The following SLC71A2 variants were observed in gnomAD, a reference collection of about 807,000 sequenced individuals.
SLC71A2 encodes the protein solute carrier family 71 member 2.
At chr9:94,438,649 C>G in the SLC71A2 span, 3 of 967,742 alleles carry the variant, frequency 3.1e-6, no homozygotes, top group Non-Finnish European at 4.6e-6. Flanking sequence ...TTCATTTGAT[C>G]TCTCTGGTAA....
At chr9:94,401,255 C>A in the SLC71A2 span, among the ~76,000 whole-genome samples, 1 of 152,090 alleles carries the variant, frequency 6.6e-6, no homozygotes, top group Non-Finnish European at 1.5e-5. Context: ...ACTGCAACCT[C>A]CGCCTTCCGA....
chr9:94,383,775 A>G, the SLC71A2 span, among the ~76,000 whole-genome samples: 4 of 151,834 alleles, frequency 2.6e-5, no homozygotes, highest in Non-Finnish European at 4.4e-5. Context: ...GCATGAATGT[A>G]GTATCTCTCC....
the SLC71A2 span, among the ~76,000 whole-genome samples, chr9:94,448,253 G>T: frequency 6.6e-6 from 1 of 152,090 alleles, no homozygotes. Context: ...GGACTCAAAA[G>T]CATTAATCAA....
the SLC71A2 span, among the ~76,000 whole-genome samples, chr9:94,434,133 T>C: frequency 1.3e-5 from 2 of 152,204 alleles, no homozygotes; most frequent in African/African-American, 4.8e-5. Context: ...ACAATTAGGG[T>C]AAAATTTTAA....
chr9:94,435,624 A>G, the SLC71A2 span, among the ~76,000 whole-genome samples: 2 of 149,408 alleles, frequency 1.3e-5, no homozygotes, highest in African/African-American at 4.9e-5. Context: ...TTTCCACCAG[A>G]ATTATTCCGA....
the SLC71A2 span, among the ~76,000 whole-genome samples, chr9:94,446,395 T>C: frequency 6.6e-6 from 1 of 152,220 alleles, no homozygotes; most frequent in African/African-American, 2.4e-5. Flanking sequence ...CATGAACACT[T>C]TGAAGAATAG....
chr9:94,415,996 A>G, the SLC71A2 span, among the ~76,000 whole-genome samples: 3 of 152,140 alleles, frequency 2.0e-5, no homozygotes, highest in East Asian at 5.8e-4. Flanking sequence ...GGAGTGTCTA[A>G]ATTTCAGTTT....
the SLC71A2 span, among the ~76,000 whole-genome samples, chr9:94,413,992 A>G: frequency 3.3e-5 from 5 of 152,188 alleles, no homozygotes; most frequent in African/African-American, 1.2e-4. Flanking sequence ...ATCTTTGGCA[A>G]TCTAGGTTCA....
chr9:94,428,421 C>A, the SLC71A2 span, among the ~76,000 whole-genome samples: 525 of 132,724 alleles, frequency 4.0e-3, 3 homozygotes, highest in African/African-American at 0.015. Context: ...CAAACTTTTT[C>A]TAAACCTTAA....
chr9:94,378,126 CAAA>C, the SLC71A2 span, among the ~76,000 whole-genome samples: 1 of 141,452 alleles, frequency 7.1e-6, no homozygotes, highest in Non-Finnish European at 1.5e-5. Flanking sequence ...ACTCCATTTC[CAAA>C]AAAAAAAAAA....
chr9:94,409,898 G>A, the SLC71A2 span, among the ~76,000 whole-genome samples: 1 of 141,366 alleles, frequency 7.1e-6, no homozygotes, highest in African/African-American at 2.7e-5. Flanking sequence ...TTTATATCTT[G>A]TTGGGAAGAG....
At chr9:94,458,505 T>G in the SLC71A2 span, 1 of 1,592,104 alleles carries the variant, frequency 6.3e-7, no homozygotes, top group Non-Finnish European at 8.6e-7. Flanking sequence ...AACAATTATG[T>G]ATGATTATAG....
chr9:94,429,047 T>C, the SLC71A2 span: 9 of 1,255,274 alleles, frequency 7.2e-6, no homozygotes, highest in Non-Finnish European at 9.9e-6. Context: ...CACAGTTTGT[T>C]TGTTTATTTT....
At chr9:94,449,395 C>T in the SLC71A2 span, among the ~76,000 whole-genome samples, 283 of 152,242 alleles carry the variant, frequency 1.9e-3, 1 homozygote, top group African/African-American at 6.5e-3. Flanking sequence ...TAGCATCTTA[C>T]AATAACTCAA....
At chr9:94,417,355 C>T in the SLC71A2 span, among the ~76,000 whole-genome samples, 479 of 152,236 alleles carry the variant, frequency 3.1e-3, 2 homozygotes, top group Non-Finnish European at 5.4e-3. Flanking sequence ...AGGCCGGGCG[C>T]GGAGGCTCAC....
chr9:94,383,705 GTTA>G, the SLC71A2 span, among the ~76,000 whole-genome samples: 1 of 152,138 alleles, frequency 6.6e-6, no homozygotes, highest in Non-Finnish European at 1.5e-5. Context: ...TTTTGGGATT[GTTA>G]TTGGTATTCT....
chr9:94,456,152 A>AT, the SLC71A2 span: 1 of 817,404 alleles, frequency 1.2e-6, no homozygotes, highest in Admixed American at 2.3e-5. Context: ...AAAACAAGGC[A>AT]TTTGTACTTT....
At chr9:94,459,084 T>G in the SLC71A2 span, 1 of 1,458,366 alleles carries the variant, frequency 6.9e-7, no homozygotes. Flanking sequence ...TGTGTTTTTT[T>G]TGGGTAATCT....
At chr9:94,434,213 A>G in the SLC71A2 span, among the ~76,000 whole-genome samples, 1 of 152,236 alleles carries the variant, frequency 6.6e-6, no homozygotes, top group Non-Finnish European at 1.5e-5. Flanking sequence ...TTTTGTTTTT[A>G]ACAACTATTA....
Sources: allele counts gnomAD v4.1 joint callset (sites outside exome capture counted in the v4.1 genomes callset), GRCh38; gene constraint gnomAD v4.1.1; transcripts MANE v1.5; gene names NCBI Gene and HGNC (gene_info 2026-07-23, HGNC 2026-07-21).